MTMR2: variants seen among roughly 807,000 people sequenced by gnomAD.
The protein encoded by MTMR2 is phosphatidylinositol-3,5-bisphosphate 3-phosphatase MTMR2.
MTMR2 carries 55 observed loss-of-function variants against 86.9 expected under a neutral mutation model. The ratio of observed to expected loss-of-function variants is 0.63; its 90% confidence interval spans 0.51 to 0.79. The LOEUF (loss-of-function observed/expected upper bound fraction) is 0.79. Ranked by LOEUF, MTMR2 falls within the 30% of genes least tolerant of loss-of-function variation. MTMR2 has a pLI of 0.00. For synonymous variants in MTMR2, 241 were observed against 266.8 expected, an observed-to-expected ratio of 0.90 and a Z score of 0.94; for missense variants, 659 against 772.3, an observed-to-expected ratio of 0.85 and a Z score of 1.74.
intron 2 of MTMR2, among the ~76,000 whole-genome samples, chr11:95,882,664 T>G (rs1865371565): frequency 6.6e-6 from 1 of 151,644 alleles, no homozygotes. Context: ...ATATCCTTTA[T>G]CATATACATG....
chr11:95,885,995 C>T (rs1299132457), intron 2 of MTMR2, among the ~76,000 whole-genome samples: 1 of 152,070 alleles, frequency 6.6e-6, no homozygotes, highest in Non-Finnish European at 1.5e-5. Context: ...CTATAAAATA[C>T]CATCAAGTCA....
intron 13 of MTMR2, 47 bp downstream of exon 13, chr11:95,838,047 A>C (rs754865965): frequency 7.7e-6 from 9 of 1,161,934 alleles, no homozygotes; most frequent in Admixed American, 5.1e-5. Flanking sequence ...TTTAGGGAAA[A>C]GTATACAGTA....
At chr11:95,835,729 AAGAC>A (rs1863241502) in intron 14 of MTMR2, among the ~76,000 whole-genome samples, 1 of 152,084 alleles carries the variant, frequency 6.6e-6, no homozygotes, top group African/African-American at 2.4e-5. Context: ...AGACAATTAA[AAGAC>A]AGTAGTCAGA....
chr11:95,901,485 T>C (rs1866072486), intron 1 of MTMR2, among the ~76,000 whole-genome samples: 2 of 152,312 alleles, frequency 1.3e-5, no homozygotes, highest in East Asian at 1.9e-4. Flanking sequence ...TCTGAGATCA[T>C]TCTAGTGAAA....
chr11:95,857,689 G>T, intron 6 of MTMR2, 54 bp from the exon 7 acceptor site: 1 of 1,192,136 alleles, frequency 8.4e-7, no homozygotes, highest in Non-Finnish European at 1.2e-6. Flanking sequence ...CAAAGGTAAT[G>T]AATCAGAAAT....
chr11:95,907,848 T>C (rs968770980), intron 1 of MTMR2: 15 of 440,196 alleles, frequency 3.4e-5, no homozygotes, highest in African/African-American at 1.2e-4. Flanking sequence ...AAACTAGGCA[T>C]TGAAGGAACA....
intron 5 of MTMR2, among the ~76,000 whole-genome samples, chr11:95,860,540 T>C (rs947845925): frequency 6.6e-6 from 1 of 152,044 alleles, no homozygotes; most frequent in Non-Finnish European, 1.5e-5. Flanking sequence ...ACTAAGTCAT[T>C]AGCTTTAATA....
At chr11:95,868,978 T>C (rs934100698) in intron 2 of MTMR2, among the ~76,000 whole-genome samples, 2 of 150,692 alleles carry the variant, frequency 1.3e-5, no homozygotes, top group Non-Finnish European at 3.0e-5. Context: ...GAAAAAAATA[T>C]CTTAAACTGT....
chr11:95,865,431 T>C (rs1167193920), intron 3 of MTMR2, 170 bp downstream of exon 3: 1 of 692,416 alleles, frequency 1.4e-6, no homozygotes, highest in Non-Finnish European at 2.6e-6. Flanking sequence ...GCAGCGGGTC[T>C]AGGCTTACGT....
At chr11:95,881,501 C>T (rs1282630746) in intron 2 of MTMR2, among the ~76,000 whole-genome samples, 1 of 152,070 alleles carries the variant, frequency 6.6e-6, no homozygotes, top group Non-Finnish European at 1.5e-5. Context: ...ATTTAGATAT[C>T]CTTTTAGCTT....
chr11:95,849,565 C>T, intron 9 of MTMR2, 109 bp downstream of exon 9: 1 of 994,812 alleles, frequency 1.0e-6, no homozygotes, highest in Non-Finnish European at 1.6e-6. Context: ...AAGACAAGAA[C>T]CTATATGTTT....
chr11:95,858,611 C>T lies in MTMR2; in HGVS notation c.490G>A (p.Ala164Thr). The part of the protein sequence containing the change: ...VCKDIRNLRF[A>T]HKPEGRTRRS... ...CTTGTCCGCCCCTCAGGTTTATGAG[C>T]AAATCGTAAATTCCTAATATCCTAG... The change falls in exon 6 of 15, where the codon GCT becomes ACT. Residue 164 changes from alanine (A) to threonine (T), a missense_variant. By Grantham distance (58) the Ala-to-Thr change is moderately conservative. Around this residue, in one of 3 missense-constraint regions of MTMR2, gnomAD observed 387 missense variants for 526.3 expected, o/e 0.74. Transcript: ENST00000346299. 6.2e-7 allele frequency: 1 copy of T among 1,610,886 alleles called. No individual in the cohort carries two copies. The highest frequency in any genetic ancestry group is 8.5e-7 in the Non-Finnish European group (1 of 1,177,380).
At chr11:95,882,063 C>T (rs1443626190) in intron 2 of MTMR2, among the ~76,000 whole-genome samples, 1 of 152,082 alleles carries the variant, frequency 6.6e-6, no homozygotes, top group Non-Finnish European at 1.5e-5. Flanking sequence ...TGCTAATAAT[C>T]ATTTCTTCTC....
chr11:95,921,421 T>C (rs1866920274), intron 1 of MTMR2, among the ~76,000 whole-genome samples: 1 of 152,230 alleles, frequency 6.6e-6, no homozygotes, highest in South Asian at 2.1e-4. Flanking sequence ...AGCAATAATT[T>C]TGCTTTGTCA....
Position 95,858,631 on chromosome 11 carries a change from T to G in MTMR2, c.470A>C (p.Asp157Ala), listed in dbSNP as rs138722981. 4.4e-6 allele frequency: 7 copies of G among 1,592,906 alleles called. No individual in the cohort carries two copies. The African/African-American group carries it at 9.4e-5, about 21-fold the overall frequency. The change falls in exon 6 of 15, where the codon GAT becomes GCT. Residue 157 changes from aspartate to alanine, a missense_variant and splice_region_variant. Asp to Ala is a moderately radical substitution (Grantham distance 126). Coordinates refer to ENST00000346299, the MANE Select transcript of MTMR2 (RefSeq NM_016156.6). The part of the protein sequence containing the change: ...NSYGLETVCK[D>A]IRNLRFAHKP... ...ATGAGCAAATCGTAAATTCCTAATA[T>G]CCTAGAAAAGATTTAGGAACCAAGT... is the stretch of plus-strand genomic sequence containing the variant.
intron 7 of MTMR2, among the ~76,000 whole-genome samples, chr11:95,856,145 A>G (rs1408232162): frequency 6.6e-6 from 1 of 152,122 alleles, no homozygotes; most frequent in Non-Finnish European, 1.5e-5. Context: ...ACCCACACAT[A>G]TATACACAAG....
chr11:95,884,490 G>C (rs1056477859), intron 2 of MTMR2, among the ~76,000 whole-genome samples: 2 of 152,026 alleles, frequency 1.3e-5, no homozygotes, highest in African/African-American at 4.8e-5. Flanking sequence ...ACAAAATAAG[G>C]GTAACAGCCA....
intron 11 of MTMR2, among the ~76,000 whole-genome samples, chr11:95,844,113 C>T (rs771734122): frequency 5.9e-5 from 9 of 152,074 alleles, no homozygotes; most frequent in Non-Finnish European, 1.0e-4. Context: ...ATAGCAACTT[C>T]GAACACCCCA....
chr11:95,908,036 T>TA, intron 1 of MTMR2: 1 of 207,532 alleles, frequency 4.8e-6, no homozygotes, highest in East Asian at 1.3e-4. Context: ...AGCATCCAAA[T>TA]AAAAAACAGG....
Sources: gnomAD v4.1 joint callset for allele counts (sites outside exome capture counted in the v4.1 genomes callset) on GRCh38, gnomAD v4.1.1 for gene constraint, gnomAD v4.1.1 regional missense constraint, MANE v1.5 for transcripts, NCBI Gene and HGNC (gene_info 2026-07-23, HGNC 2026-07-21) for gene names.